Variants in CTR9 observed in about 807,000 individuals in gnomAD.
The protein encoded by CTR9 is RNA polymerase-associated protein CTR9 homolog.
A neutral mutation model predicts 152.1 loss-of-function variants in CTR9; 41 were observed. That is an observed-to-expected ratio of 0.27 (90% CI 0.21 to 0.35). The LOEUF (loss-of-function observed/expected upper bound fraction) is 0.35, where lower values mean the gene tolerates loss of function less well. Among genes scored for constraint, CTR9 ranks in the 10% least tolerant of loss-of-function variants. The pLI, the probability that CTR9 is intolerant of heterozygous loss-of-function variation, is 1.00. For missense variants in CTR9, 917 were observed against 1,424.4 expected (o/e 0.64, Z 5.73); for synonymous variants, 476 against 496.2 (o/e 0.96, Z 0.54).
intron 16 of CTR9, 95 bp downstream of exon 16, chr11:10,768,586 A>C: frequency 8.3e-7 from 1 of 1,205,524 alleles, no homozygotes. Context: ...GCTGCATGCT[A>C]TCTCTTGTGA....
At chr11:10,766,034 G>A (rs771451139) in intron 12 of CTR9, among the ~76,000 whole-genome samples, 14 of 152,088 alleles carry the variant, frequency 9.2e-5, no homozygotes, top group Admixed American at 2.6e-4. Context: ...TCACTGTTTT[G>A]CCGTATTACA....
intron 12 of CTR9, among the ~76,000 whole-genome samples, chr11:10,765,054 C>G (rs759002047): frequency 6.6e-6 from 1 of 152,172 alleles, no homozygotes; most frequent in Non-Finnish European, 1.5e-5. Flanking sequence ...TCTTTGATTT[C>G]ATATGAACAT....
At position 10,771,628 on chromosome 11, in the gene CTR9, A is replaced by G; in HGVS notation, c.2444+12A>G. On this transcript the variant is annotated intron_variant, in intron 19 of 24. Transcript: ENST00000361367. ...GCTACAGAAGCCAGGTAATGTTACT[A>G]TTTATGGAAGGTGACTTTGGGTGAG... The G allele has an allele frequency of 6.2e-7, 1 of 1,600,302 alleles. No homozygotes were observed. Among genetic ancestry groups the G allele is most frequent in the South Asian group, 1.1e-5 (1 of 90,742 alleles).
intron 1 of CTR9, among the ~76,000 whole-genome samples, chr11:10,752,012 G>A (rs1191857685): frequency 6.6e-6 from 1 of 152,072 alleles, no homozygotes; most frequent in Non-Finnish European, 1.5e-5. Context: ...GCTTACCTAT[G>A]TCTCATTCAT....
chr11:10,772,966 G>T (rs958087927), intron 20 of CTR9, among the ~76,000 whole-genome samples, 161 bp from the exon 21 acceptor site: 17 of 152,088 alleles, frequency 1.1e-4, no homozygotes, highest in Non-Finnish European at 1.9e-4. Context: ...GGCCAAGGTT[G>T]TAGTGAGCCG....
At chr11:10,751,505 C>T (rs1862801054) in intron 1 of CTR9, 48 bp downstream of exon 1, 2 of 1,568,550 alleles carry the variant, frequency 1.3e-6, no homozygotes. Context: ...CTTGTACGAT[C>T]GCCCCCACCG....
intron 1 of CTR9, among the ~76,000 whole-genome samples, 177 bp from the exon 2 acceptor site, chr11:10,752,495 A>G (rs1238154055): frequency 6.6e-6 from 1 of 152,232 alleles, no homozygotes; most frequent in Admixed American, 6.5e-5. Flanking sequence ...TAACTTTATT[A>G]TAGTATAACC....
rs761051173 is a variant in CTR9 at position 10,760,141 on chromosome 11, A to C, written c.593-32A>C. 4.4e-6 allele frequency: 7 copies of C among 1,604,218 alleles called. No homozygotes were observed. The African/African-American group carries it at 9.4e-5, about 22-fold the overall frequency. On this transcript the variant is annotated intron_variant, in intron 5 of 24. Transcript: ENST00000361367. Reference sequence around the variant, plus strand: ...GTAATTGAACTCTAAAAAATGCCCTAGTTTGATAGATTGAATGACTTCATT... The same window carrying C: ...GTAATTGAACTCTAAAAAATGCCCTCGTTTGATAGATTGAATGACTTCATT...
In CTR9 at chr11:10,778,947, C is replaced by T. The variant is rs756415574; in HGVS notation, c.3364C>T (p.Arg1122Cys). 7.4e-6 allele frequency: 12 copies of T among 1,614,014 alleles called. No homozygotes were observed. Among genetic ancestry groups the T allele is most frequent in the African/African-American group, 2.7e-5 (2 of 74,908 alleles). The change falls in exon 25 of 25, where the codon CGC becomes TGC. Residue 1122 changes from arginine (R) to cysteine (C), a missense_variant. By Grantham distance (180) the Arg-to-Cys change is radical. Coordinates refer to ENST00000361367, the MANE Select transcript of CTR9 (RefSeq NM_014633.5). Reference sequence around the variant, plus strand: ...CTCAGGAGTTTCTGAGAACGACTCTCGCCCAGCTTCTCCAAGTGCCGAATC... The same window carrying T: ...CTCAGGAGTTTCTGAGAACGACTCTTGCCCAGCTTCTCCAAGTGCCGAATC... The part of the protein sequence containing the change: ...SHSGVSENDS[R>C]PASPSAESDH...
In CTR9 at chr11:10,768,804, G is replaced by A. The variant is rs562620418; in HGVS notation, c.2109+313G>A. Reference sequence around the variant, plus strand: ...GAGGATCCCGTATGAAAACTACTTGGCACTAGCATGCCTAGCATATTAGTA... The same window carrying A: ...GAGGATCCCGTATGAAAACTACTTGACACTAGCATGCCTAGCATATTAGTA... On this transcript the variant is annotated intron_variant, in intron 16 of 24. Coordinates refer to ENST00000361367, the MANE Select transcript of CTR9 (RefSeq NM_014633.5). Among the ~76,000 whole-genome samples the A allele has an allele frequency of 2.6e-5, 4 of 152,264 alleles. No individual in the cohort carries two copies. In the East Asian group the frequency reaches 7.7e-4, roughly 29 times the overall value.
At chr11:10,774,359 A>G (rs1278598086) in intron 22 of CTR9, 190 bp downstream of exon 22, 6 of 536,710 alleles carry the variant, frequency 1.1e-5, no homozygotes, top group Non-Finnish European at 1.9e-5. Context: ...TGGGATTTCC[A>G]TACGTCTCCA....
chr11:10,774,435 G>T, intron 22 of CTR9: 1 of 271,358 alleles, frequency 3.7e-6, no homozygotes, highest in Non-Finnish European at 6.9e-6. Flanking sequence ...AATATTTATT[G>T]GAAAACATGT....
At chr11:10,772,891 G>C (rs746057533) in intron 20 of CTR9, among the ~76,000 whole-genome samples, 1 of 152,028 alleles carries the variant, frequency 6.6e-6, no homozygotes, top group African/African-American at 2.4e-5. Context: ...GCCAGGAGTG[G>C]TGGCATGCAC....
chr11:10,773,096 G>A (rs1328229524), intron 20 of CTR9, 31 bp from the exon 21 acceptor site: 6 of 1,577,670 alleles, frequency 3.8e-6, no homozygotes, highest in Non-Finnish European at 4.3e-6. Context: ...AATTTGCAGT[G>A]GGGTTTCTTT....
intron 19 of CTR9, 100 bp downstream of exon 19, chr11:10,771,716 AC>A: frequency 1.2e-6 from 1 of 802,992 alleles, no homozygotes; most frequent in Non-Finnish European, 2.2e-6. Flanking sequence ...CTGACCTTCC[AC>A]AGGTCAGTCT....
At chr11:10,764,281 C>CT in intron 10 of CTR9, 27 bp from the exon 11 acceptor site, 1 of 1,613,666 alleles carries the variant, frequency 6.2e-7, no homozygotes, top group Non-Finnish European at 8.5e-7. Flanking sequence ...CCACTTACAC[C>CT]TTTTTCTGTC....
At chr11:10,756,174 T>C (rs1008726628) in intron 4 of CTR9, among the ~76,000 whole-genome samples, 1 of 152,208 alleles carries the variant, frequency 6.6e-6, no homozygotes, top group East Asian at 1.9e-4. Flanking sequence ...AAAGAGTAAT[T>C]GGTTATACAC....
chr11:10,764,841 C>G, intron 12 of CTR9, 110 bp downstream of exon 12: 1 of 988,776 alleles, frequency 1.0e-6, no homozygotes, highest in Non-Finnish European at 1.4e-6. Context: ...GTTTAAGGTT[C>G]TAATGTCCCC....
At position 10,773,006 on chromosome 11, in the gene CTR9, A is replaced by G; in HGVS notation, c.2581-121A>G. ...TGCACCACTGTACTCCAGTCTAGGCAACAGAGTGAGACTCCATCTCAAAAG... is the reference window on the plus strand; with the variant it reads ...TGCACCACTGTACTCCAGTCTAGGCGACAGAGTGAGACTCCATCTCAAAAG... On this transcript the variant is annotated intron_variant, in intron 20 of 24. Coordinates refer to ENST00000361367, the MANE Select transcript of CTR9 (RefSeq NM_014633.5). The G allele has an allele frequency of 6.0e-6, 7 of 1,159,746 alleles. No individual in the cohort carries two copies. In the South Asian group the frequency reaches 9.3e-5, roughly 15 times the overall value. The allele number at this position is 1,159,746 out of a possible 1,614,324, so 71.8% of individuals were successfully genotyped here.
Sources: gnomAD v4.1 joint callset for allele counts (sites outside exome capture counted in the v4.1 genomes callset) on GRCh38, gnomAD v4.1.1 for gene constraint, MANE v1.5 for transcripts, NCBI Gene and HGNC (gene_info 2026-07-23, HGNC 2026-07-21) for gene names.